Variants in RFFL observed in about 807,000 individuals in gnomAD.
The protein encoded by RFFL is E3 ubiquitin-protein ligase rififylin.
Under a neutral mutation model 40.4 loss-of-function variants are expected in RFFL, and 16 were observed. That is an observed-to-expected ratio of 0.40 (90% CI 0.27 to 0.60). The LOEUF is 0.60. RFFL is among the 20% of genes least tolerant of loss of function. The pLI is 0.47. For missense variants in RFFL, 367 were observed against 451.7 expected (o/e 0.81, Z 1.70); for synonymous variants, 154 against 167.9 (o/e 0.92, Z 0.64).
At chr17:35,031,836 C>T (rs1157546192) in intron 1 of RFFL, among the ~76,000 whole-genome samples, 3 of 152,016 alleles carry the variant, frequency 2.0e-5, no homozygotes, top group African/African-American at 7.3e-5. Context: ...TGGCTCACGC[C>T]TGTAATCCCA....
chr17:35,026,928 T>A (rs2091045078), intron 1 of RFFL, among the ~76,000 whole-genome samples: 1 of 152,174 alleles, frequency 6.6e-6, no homozygotes, highest in African/African-American at 2.4e-5. Context: ...AGTCTCGAAC[T>A]CCTGACCTTG....
At chr17:35,052,968 C>A (rs887889265) in intron 1 of RFFL, among the ~76,000 whole-genome samples, 4 of 152,134 alleles carry the variant, frequency 2.6e-5, no homozygotes, top group Admixed American at 2.6e-4. Flanking sequence ...ACAACAGAAA[C>A]AAGGGTACTC....
At chr17:35,067,244 A>G (rs757089348), upstream of RFFL, among the ~76,000 whole-genome samples, 1 of 151,686 alleles carries the variant, frequency 6.6e-6, no homozygotes, top group Non-Finnish European at 1.5e-5. Flanking sequence ...CAGCCTCCCA[A>G]GTAGCTAGGA....
chr17:35,087,281 G>GC (rs2091436005), intron 1 of RFFL, among the ~76,000 whole-genome samples: 1 of 151,910 alleles, frequency 6.6e-6, no homozygotes, highest in Admixed American at 6.6e-5. Flanking sequence ...AGCCTAGGAG[G>GC]TCAAGGCTGC....
At chr17:35,030,574 ACAGGCGT>A in intron 1 of RFFL, among the ~76,000 whole-genome samples, 1 of 152,152 alleles carries the variant, frequency 6.6e-6, no homozygotes, top group African/African-American at 2.4e-5. Context: ...TGCTGGGATT[ACAGGCGT>A]GAACCACCAT....
chr17:35,073,436 AC>A (rs1488524793), intron 1 of RFFL, among the ~76,000 whole-genome samples: 1 of 152,222 alleles, frequency 6.6e-6, no homozygotes, highest in Non-Finnish European at 1.5e-5. Context: ...GTAAGATGTG[AC>A]AGGCTTCTTA....
intron 1 of RFFL, among the ~76,000 whole-genome samples, chr17:35,035,644 T>C (rs566956778): frequency 5.3e-5 from 8 of 149,980 alleles, no homozygotes; most frequent in Admixed American, 2.7e-4. Context: ...TCTGTATCTA[T>C]ATCTATAGAT....
At chr17:35,024,271 G>C (rs1422211414) in intron 2 of RFFL, among the ~76,000 whole-genome samples, 1 of 152,128 alleles carries the variant, frequency 6.6e-6, no homozygotes, top group African/African-American at 2.4e-5. Context: ...TATTACATGA[G>C]AGAATGTATA....
At chr17:35,014,611 A>C in intron 6 of RFFL, 129 bp downstream of exon 6, 1 of 853,984 alleles carries the variant, frequency 1.2e-6, no homozygotes, top group Non-Finnish European at 2.0e-6. Flanking sequence ...GGTCTCAGTG[A>C]GTTTCCCACA....
intron 1 of RFFL, chr17:35,088,730 C>G (rs1280903426): frequency 6.6e-6 from 1 of 152,300 alleles, no homozygotes; most frequent in Non-Finnish European, 1.5e-5. Flanking sequence ...GGTAAGCAGG[C>G]CGCCGCGGAC....
chr17:35,027,455 T>C (rs2091049617), intron 1 of RFFL, among the ~76,000 whole-genome samples: 1 of 152,212 alleles, frequency 6.6e-6, no homozygotes, highest in African/African-American at 2.4e-5. Context: ...CCAGGCGCAG[T>C]GGCTCACGCC....
intron 1 of RFFL, among the ~76,000 whole-genome samples, chr17:35,085,954 CG>C (rs1458887329): frequency 6.6e-6 from 1 of 152,094 alleles, no homozygotes; most frequent in East Asian, 1.9e-4. Context: ...TAGCTATGAC[CG>C]CTGTCCTGAT....
At chr17:35,072,516 G>A (rs2091355807) in intron 1 of RFFL, among the ~76,000 whole-genome samples, 1 of 151,910 alleles carries the variant, frequency 6.6e-6, no homozygotes, top group Non-Finnish European at 1.5e-5. Flanking sequence ...GATCTTTGTG[G>A]TGGTAGAACA....
At position 35,075,986 on chromosome 17, in the gene RFFL, CTTTTTTTTTTTTTTTT is replaced by C. The variant is rs35996071; in HGVS notation, c.-9+13103_-9+13118del. Among the ~76,000 whole-genome samples the C allele has an allele frequency of 5.0e-5, 4 of 80,026 alleles. No individual in the cohort carries two copies. The East Asian group carries it at 1.6e-3, about 31-fold the overall frequency. The allele number at this position is 80,026 out of a possible 152,430, so 52.5% of individuals were successfully genotyped here. A position where few individuals can be genotyped will look rare whatever the true frequency, so the allele number is the denominator to read the frequency against. ...CCAATGCAAATTCTATCAATTTATT[CTTTTTTTTTTTTTTTT>C]TTTTTTTTTGAGACGGAGTCTTGCT... On this transcript the variant is annotated intron_variant, in intron 1 of 6. Coordinates refer to the RFFL transcript ENST00000315249.
intron 1 of RFFL, among the ~76,000 whole-genome samples, chr17:35,030,065 C>A (rs1168420924): frequency 6.7e-6 from 1 of 148,670 alleles, no homozygotes; most frequent in African/African-American, 2.5e-5. Context: ...TGTATATGTG[C>A]CACATTTTCT....
In RFFL at chr17:35,054,279, A is replaced by G. The variant is rs77170122; in HGVS notation, c.-9+9297T>C. 7.1e-3 allele frequency among the ~76,000 whole-genome samples: 1,089 copies of G among 152,328 alleles called. 14 individuals carry two copies. The highest frequency in any genetic ancestry group is 0.024 in the African/African-American group (1,014 of 41,564). The stretch of plus-strand genomic sequence containing the variant: ...CATATCCCAATATAACTTGCATCAA[A>G]AGAACCACAATAAATATTTACTGTA... On this transcript the variant is annotated intron_variant, in intron 1 of 6. Coordinates refer to ENST00000394597, the MANE Select transcript of RFFL (RefSeq NM_001017368.2).
At chr17:35,049,575 ATTAC>A (rs751016075) in intron 1 of RFFL, among the ~76,000 whole-genome samples, 4 of 152,188 alleles carry the variant, frequency 2.6e-5, no homozygotes, top group Non-Finnish European at 1.5e-5. Flanking sequence ...CCCCAAGCAA[ATTAC>A]TTACTTAATC....
chr17:35,067,921 C>T (rs1446823885), upstream of RFFL, among the ~76,000 whole-genome samples: 1 of 152,118 alleles, frequency 6.6e-6, no homozygotes, highest in African/African-American at 2.4e-5. Flanking sequence ...GTCCGCTCAC[C>T]CACAAGAACC....
chr17:35,065,677 G>C (rs1212845301), upstream of RFFL, among the ~76,000 whole-genome samples: 1 of 151,904 alleles, frequency 6.6e-6, no homozygotes, highest in East Asian at 1.9e-4. Flanking sequence ...AGTTGACTAA[G>C]AGAAACACCA....
Sources: gnomAD v4.1 joint callset for allele counts (sites outside exome capture counted in the v4.1 genomes callset) on GRCh38, gnomAD v4.1.1 for gene constraint, MANE v1.5 for transcripts, NCBI Gene and HGNC (gene_info 2026-07-23, HGNC 2026-07-21) for gene names.